TEAD1: variants seen among roughly 807,000 people sequenced by gnomAD.
TEAD1 encodes TEA domain transcription factor 1, also known as transcriptional enhancer factor TEF-1.
Under a neutral mutation model 54.9 loss-of-function variants are expected in TEAD1, and 9 were observed. That is an observed-to-expected ratio of 0.16 (90% CI 0.10 to 0.29). The LOEUF is 0.29. Ranked by LOEUF, TEAD1 falls within the 10% of genes least tolerant of loss-of-function variation. The pLI, the probability that TEAD1 is intolerant of heterozygous loss-of-function variation, is 1.00. For missense variants in TEAD1, 387 were observed against 535.9 expected, an observed-to-expected ratio of 0.72 and a Z score of 2.74; for synonymous variants, 200 against 187.8, an observed-to-expected ratio of 1.07 and a Z score of -0.53.
In TEAD1 at chr11:12,805,229, A is replaced by G. The variant is rs139818962; in HGVS notation, c.202+40795A>G. Among the ~76,000 whole-genome samples, 103 of 152,328 alleles carry G rather than the reference A, an allele frequency of 6.8e-4. 1 individual carries two copies. The highest frequency in any genetic ancestry group is 2.4e-3 in the African/African-American group (99 of 41,576). On this transcript the variant is annotated intron_variant, in intron 3 of 12. Coordinates refer to ENST00000527636, the MANE Select transcript of TEAD1 (RefSeq NM_021961.6). ...CAGGCATGTCATCTGCCTGCAAGACACATGCTAGTAATGAAGGAAGATGTA... is the reference window on the plus strand; with the variant it reads ...CAGGCATGTCATCTGCCTGCAAGACGCATGCTAGTAATGAAGGAAGATGTA...
intron 12 of TEAD1, among the ~76,000 whole-genome samples, chr11:12,930,803 A>G (rs1387253187): frequency 1.3e-5 from 2 of 152,232 alleles, no homozygotes; most frequent in African/African-American, 4.8e-5. Context: ...GTATGTTTGT[A>G]CTTCAGACAT....
intron 2 of TEAD1, among the ~76,000 whole-genome samples, chr11:12,740,708 C>T (rs1019428074): frequency 1.4e-4 from 21 of 152,150 alleles, no homozygotes; most frequent in Non-Finnish European, 2.8e-4. Context: ...ACAAGAACAG[C>T]ATGAGGGTAA....
chr11:12,709,400 T>C (rs1252904861), intron 2 of TEAD1, among the ~76,000 whole-genome samples: 1 of 152,200 alleles, frequency 6.6e-6, no homozygotes, highest in African/African-American at 2.4e-5. Flanking sequence ...TTTGTTTCTT[T>C]TTTTGAATTT....
In TEAD1 at chr11:12,716,142, C is replaced by T. The variant is rs146790034; in HGVS notation, c.-55+40581C>T. Among the ~76,000 whole-genome samples the T allele has an allele frequency of 3.0e-3, 450 of 152,066 alleles. 2 individuals carry two copies. The highest frequency in any genetic ancestry group is 9.3e-3 in the African/African-American group (386 of 41,448). ...GGCTCTTTGTCTGTCGGCTTCCGGC[C>T]GAGGGATGGGAGGGGGAGCAGTCTG... On this transcript the variant is annotated intron_variant, in intron 2 of 12. Transcript: ENST00000527636.
rs200441091 is a variant in TEAD1, at chr11:12,757,493, A to G, written c.-54-6686A>G. Among the ~76,000 whole-genome samples, 8 of 152,344 alleles carry G rather than the reference A, an allele frequency of 5.3e-5. No individual in the cohort carries two copies. In the East Asian group the frequency reaches 1.5e-3, roughly 29 times the overall value. ...CAAATCTTATTTGTCCCTCTAACAC[A>G]GAAGGACTATTAGTTGCCAATAATT... On this transcript the variant is annotated intron_variant, in intron 2 of 12. Transcript: ENST00000527636.
intron 4 of TEAD1, among the ~76,000 whole-genome samples, chr11:12,862,883 A>G (rs1396057653): frequency 4.6e-5 from 7 of 152,236 alleles, no homozygotes; most frequent in Admixed American, 2.0e-4. Context: ...GCAGAGCAGT[A>G]TCAGGAATTC....
At chr11:12,908,273 A>G (rs80212678) in intron 10 of TEAD1, among the ~76,000 whole-genome samples, 5,178 of 152,216 alleles carry the variant, frequency 0.034, 267 homozygotes, top group African/African-American at 0.12. Flanking sequence ...CTGGAATGGT[A>G]CCAGACAACT....
intron 3 of TEAD1, among the ~76,000 whole-genome samples, chr11:12,826,467 A>T (rs1946658597): frequency 6.6e-6 from 1 of 152,238 alleles, no homozygotes; most frequent in South Asian, 2.1e-4. Context: ...CAAATAAAAC[A>T]GTGTGACTAA....
At position 12,881,057 on chromosome 11, in the gene TEAD1, T is replaced by C; in HGVS notation, c.512+6T>C. On this transcript the variant is annotated splice_donor_region_variant and intron_variant, in intron 7 of 12. Coordinates refer to ENST00000527636, the MANE Select transcript of TEAD1 (RefSeq NM_021961.6). ...CAGCCAGGATCCTCACAAGAGTAAG[T>C]CTGAGGAGGGGTGGGCACTGACAAC... 2 of 1,613,970 alleles carry C rather than the reference T, an allele frequency of 1.2e-6. No individual in the cohort carries two copies. The highest frequency in any genetic ancestry group is 1.7e-5 in the Admixed American group (1 of 60,000).
chr11:12,891,772 T>TA (rs1948203350), intron 9 of TEAD1, among the ~76,000 whole-genome samples: 1 of 152,216 alleles, frequency 6.6e-6, no homozygotes, highest in Non-Finnish European at 1.5e-5. Flanking sequence ...AAATGACACT[T>TA]ACCCCACTAT....
intron 3 of TEAD1, among the ~76,000 whole-genome samples, chr11:12,790,618 T>C (rs1265588632): frequency 6.6e-6 from 1 of 152,246 alleles, no homozygotes; most frequent in East Asian, 1.9e-4. Context: ...GAATCTCAGA[T>C]GAATGGGGAC....
intron 11 of TEAD1, among the ~76,000 whole-genome samples, chr11:12,925,465 A>T (rs1948888085): frequency 6.6e-6 from 1 of 152,168 alleles, no homozygotes; most frequent in African/African-American, 2.4e-5. Flanking sequence ...CCCTCCTCTG[A>T]CATGTGGGGA....
intron 2 of TEAD1, among the ~76,000 whole-genome samples, chr11:12,726,712 A>G (rs1944320836): frequency 6.6e-6 from 1 of 152,074 alleles, no homozygotes; most frequent in Non-Finnish European, 1.5e-5. Flanking sequence ...AAAATTAACC[A>G]GGCGTGGTGG....
intron 3 of TEAD1, among the ~76,000 whole-genome samples, chr11:12,775,614 A>G (rs1945400907): frequency 6.6e-6 from 1 of 152,184 alleles, no homozygotes; most frequent in South Asian, 2.1e-4. Flanking sequence ...TTGGTCTCTC[A>G]CTAAAGGTGC....
intron 5 of TEAD1, among the ~76,000 whole-genome samples, chr11:12,876,875 C>T (rs1334815110): frequency 6.6e-6 from 1 of 152,134 alleles, no homozygotes; most frequent in Non-Finnish European, 1.5e-5. Flanking sequence ...TCATGGGCTA[C>T]CCTCTGAGGG....
chr11:12,860,691 A>G (rs561956036), intron 3 of TEAD1, among the ~76,000 whole-genome samples: 1 of 152,358 alleles, frequency 6.6e-6, no homozygotes, highest in East Asian at 1.9e-4. Context: ...ACATTGAGGA[A>G]GAAGACAGAG....
chr11:12,933,358 C>G (rs958161719), intron 12 of TEAD1, among the ~76,000 whole-genome samples: 1 of 152,098 alleles, frequency 6.6e-6, no homozygotes, highest in Non-Finnish European at 1.5e-5. Context: ...AGCCAGCACT[C>G]TTGGATTTTG....
intron 3 of TEAD1, chr11:12,849,181 G>C (rs1464724629): frequency 1.3e-5 from 2 of 152,186 alleles, no homozygotes; most frequent in African/African-American, 4.8e-5. Context: ...CCGAGTAGCT[G>C]GGATTAGAAG....
At chr11:12,714,204 C>T (rs181668476) in intron 2 of TEAD1, among the ~76,000 whole-genome samples, 4 of 152,224 alleles carry the variant, frequency 2.6e-5, no homozygotes, top group Admixed American at 2.6e-4. Flanking sequence ...GCAGTCACAT[C>T]CAGGGCTGCT....
Sources: allele counts gnomAD v4.1 joint callset (sites outside exome capture counted in the v4.1 genomes callset), GRCh38; gene constraint gnomAD v4.1.1; transcripts MANE v1.5; gene names NCBI Gene and HGNC (gene_info 2026-07-23, HGNC 2026-07-21).